The following SEC14L6 variants were observed in gnomAD, a reference collection of about 807,000 sequenced individuals.
SEC14L6 encodes the protein SEC14 like lipid binding 6, also known as SEC14-like protein 6.
A neutral mutation model predicts 54.1 loss-of-function variants in SEC14L6; 40 were observed. The observed-to-expected ratio is 0.74, with a 90% confidence interval of 0.57 to 0.96. SEC14L6 has a LOEUF of 0.96. Ranked by LOEUF, SEC14L6 falls within the 40% of genes least tolerant of loss-of-function variation. The probability of loss-of-function intolerance (pLI) is 0.00; values close to 1 mark genes in which losing one functional copy is unlikely to be tolerated. For synonymous variants in SEC14L6, 171 were observed against 198.4 expected (o/e 0.86, Z 1.16); for missense variants, 471 against 498.3 (o/e 0.95, Z 0.52).
Position 30,525,330 on chromosome 22 carries a change from C to A in SEC14L6, c.1081+20G>T. ...CCCTAGCCCCCAGCTCCAGGTAGAG[C>A]CATCCCTGCCAACTCTTACAGCTGC... is the stretch of plus-strand genomic sequence containing the variant. On this transcript the variant is annotated intron_variant, in intron 11 of 11. Transcript: ENST00000402034. 1 of 1,612,106 alleles carries A rather than the reference C, an allele frequency of 6.2e-7. No individual in the cohort carries two copies.
chr22:30,525,868 C>G lies in SEC14L6; in HGVS notation c.729G>C (p.Gly243=). 3 of 1,613,610 alleles carry G rather than the reference C, an allele frequency of 1.9e-6. No homozygotes were observed. The highest frequency in any genetic ancestry group is 2.5e-6 in the Non-Finnish European group (3 of 1,179,712). The part of the protein sequence containing the change: ...SPDQLPVEFG[G]TMTDPDGNPK... ...GGTTGCCATCGGGGTCAGTCATGGT[C>G]CCCCCAAACTCCACGGGCAGCTGGT... The change falls in exon 9 of 12, where the codon GGG becomes GGC. Residue 243 remains glycine (G), a synonymous_variant. Transcript: ENST00000402034.
rs188359278 is a variant in SEC14L6 at position 30,545,680 on chromosome 22, C to T, written c.54+949G>A. Among the ~76,000 whole-genome samples the T allele has an allele frequency of 3.1e-3, 474 of 152,266 alleles. 4 individuals carry two copies. The highest frequency in any genetic ancestry group is 0.011 in the African/African-American group (447 of 41,562). On this transcript the variant is annotated intron_variant, in intron 1 of 11. Transcript: ENST00000402034. ...AACTCCTGGGCTCCAGTGATCCTCC[C>T]GCCTCAAAGTGCGGGGATTATAGGC... is the stretch of plus-strand genomic sequence containing the variant.
intron 1 of SEC14L6, chr22:30,542,586 G>T: frequency 6.7e-7 from 1 of 1,481,850 alleles, no homozygotes; most frequent in Non-Finnish European, 8.9e-7. Context: ...GAGCCCGCGG[G>T]CCGGTCCCCG....
At chr22:30,543,345 T>TCAA in intron 1 of SEC14L6, 1 of 1,572,568 alleles carries the variant, frequency 6.4e-7, no homozygotes, top group Non-Finnish European at 8.8e-7. Flanking sequence ...TGGAGGTTAC[T>TCAA]CAACAGCCCA....
intron 1 of SEC14L6, among the ~76,000 whole-genome samples, chr22:30,540,367 C>CTTTTTTT (rs753718105): frequency 3.5e-5 from 4 of 114,032 alleles, no homozygotes; most frequent in Admixed American, 8.9e-5. Flanking sequence ...CTTTTTGTTC[C>CTTTTTTT]TTTTTTTTTT....
Position 30,532,480 on chromosome 22 carries a change from G to A in SEC14L6, c.423+45C>T, listed in dbSNP as rs1164320794. 3.3e-6 allele frequency: 5 copies of A among 1,502,450 alleles called. No individual in the cohort carries two copies. In the African/African-American group the frequency reaches 6.9e-5, roughly 21 times the overall value. 93.1% of individuals were successfully genotyped at this position (1,502,450 alleles called of 1,614,324 possible). A position where few individuals can be genotyped will look rare whatever the true frequency, so the allele number is the denominator to read the frequency against. ...TCTGGGTGTGAGGCTCAGGGGGTGA[G>A]GGTGCTGTGTCCGGCTGCAGCTGCC... is the stretch of plus-strand genomic sequence containing the variant. On this transcript the variant is annotated intron_variant, in intron 5 of 11. Transcript: ENST00000402034.
rs1936757290 is a variant in SEC14L6 at position 30,525,825 on chromosome 22, C to G, written c.771+1G>C. The G allele has an allele frequency of 6.2e-7, 1 of 1,613,562 alleles. No individual in the cohort carries two copies. Reference sequence around the variant, plus strand: ...TTCCCCATCCTCTGGGCACCCTGTACCTTGGTCAGGCACTTGGGGTTGCCA... The same window carrying G: ...TTCCCCATCCTCTGGGCACCCTGTAGCTTGGTCAGGCACTTGGGGTTGCCA... On this transcript the variant is annotated splice_donor_variant, in intron 9 of 11. Coordinates refer to ENST00000402034, the MANE Select transcript of SEC14L6 (RefSeq NM_001193336.4). LOFTEE classifies it high-confidence loss of function.
At chr22:30,541,216 T>A (rs933944390) in intron 1 of SEC14L6, among the ~76,000 whole-genome samples, 2 of 152,158 alleles carry the variant, frequency 1.3e-5, no homozygotes, top group Admixed American at 6.5e-5. Flanking sequence ...ATTTATTTTT[T>A]AATTTTATTT....
In SEC14L6 at chr22:30,530,335, G is replaced by A. The variant is rs573953159; in HGVS notation, c.520-986C>T. 6.4e-3 allele frequency among the ~76,000 whole-genome samples: 976 copies of A among 152,260 alleles called. 13 individuals are homozygous for A. Among genetic ancestry groups the A allele is most frequent in the African/African-American group, 0.022 (910 of 41,538 alleles). ...TGAGGCAGGAGCATCACTTGAACCCGTTAGGCGGAGGCTGCAGTGAGCCAC... is the reference window on the plus strand; with the variant it reads ...TGAGGCAGGAGCATCACTTGAACCCATTAGGCGGAGGCTGCAGTGAGCCAC... On this transcript the variant is annotated intron_variant, in intron 6 of 11. Coordinates refer to ENST00000402034, the MANE Select transcript of SEC14L6 (RefSeq NM_001193336.4).
chr22:30,535,392 G>A (rs1183605766), intron 2 of SEC14L6, among the ~76,000 whole-genome samples: 3 of 152,222 alleles, frequency 2.0e-5, no homozygotes, highest in African/African-American at 4.8e-5. Flanking sequence ...GTTTCACTTG[G>A]TCCCCAGGGC....
At chr22:30,526,575 A>G (rs561221044) in intron 8 of SEC14L6, among the ~76,000 whole-genome samples, 1 of 152,280 alleles carries the variant, frequency 6.6e-6, no homozygotes, top group Admixed American at 6.5e-5. Context: ...CATAAAAACA[A>G]AACACTAGGC....
chr22:30,538,774 A>G, intron 2 of SEC14L6, 53 bp downstream of exon 2: 1 of 1,223,648 alleles, frequency 8.2e-7, no homozygotes, highest in Middle Eastern at 1.9e-4. Context: ...GATACCAAAT[A>G]CACTCCTCTT....
intron 2 of SEC14L6, among the ~76,000 whole-genome samples, chr22:30,534,669 C>G (rs879584639): frequency 1.3e-5 from 2 of 152,130 alleles, no homozygotes; most frequent in South Asian, 2.1e-4. Context: ...CCTCACCCCC[C>G]AGAATGCTGG....
Position 30,532,844 on chromosome 22 carries a change from G to A in SEC14L6, c.187C>T (p.Arg63Trp), listed in dbSNP as rs576084043. ...EDMLRKHMEF[R>W]KQQDLANILA... ...ATGTTGGCCAGGTCTTGTTGCTTCC[G>A]GAACTCCATATGCTGCAGAGACACG... The change falls in exon 4 of 12, where the codon CGG (arginine) becomes TGG (tryptophan). Residue 63 changes from arginine to tryptophan, a missense_variant. Transcript: ENST00000402034. 1.4e-4 allele frequency: 223 copies of A among 1,613,686 alleles called. No individual in the cohort carries two copies. The highest frequency in any genetic ancestry group is 1.7e-4 in the Admixed American group (10 of 59,886).
chr22:30,536,382 C>G (rs547880432), intron 2 of SEC14L6, among the ~76,000 whole-genome samples: 1 of 152,140 alleles, frequency 6.6e-6, no homozygotes, highest in Non-Finnish European at 1.5e-5. Flanking sequence ...CCGCCCACCC[C>G]CTACGAACCC....
chr22:30,529,810 T>G (rs1936910209), intron 6 of SEC14L6, among the ~76,000 whole-genome samples: 1 of 152,110 alleles, frequency 6.6e-6, no homozygotes, highest in South Asian at 2.1e-4. Context: ...AAAATCCCAT[T>G]CACGACTGTG....
chr22:30,529,309 T>C lies in SEC14L6; in HGVS notation c.560A>G (p.Lys187Arg), dbSNP rs1392925455. The C allele has an allele frequency of 8.4e-6, 13 of 1,550,368 alleles. No individual in the cohort carries two copies. Among genetic ancestry groups the C allele is most frequent in the Non-Finnish European group, 1.1e-5 (13 of 1,146,956 alleles). The change falls in exon 7 of 12, where the codon AAG (lysine) becomes AGG (arginine). Residue 187 changes from lysine to arginine, a missense_variant. Transcript: ENST00000402034. ...ALEANYPEIL[K>R]SLIVVRAPKL... ...CTCACCTCTCACAACAATTAAACTCTTCAAGATCTCAGGGTAATTTGCTTC... is the reference window on the plus strand; with the variant it reads ...CTCACCTCTCACAACAATTAAACTCCTCAAGATCTCAGGGTAATTTGCTTC...
intron 1 of SEC14L6, chr22:30,543,290 G>A (rs1020428455): frequency 3.8e-6 from 6 of 1,580,412 alleles, no homozygotes; most frequent in South Asian, 3.3e-5. Context: ...GACTCTTTTC[G>A]TGGGACTGCC....
chr22:30,532,476 G>A (rs747613072), intron 5 of SEC14L6, 49 bp downstream of exon 5: 5 of 1,494,898 alleles, frequency 3.3e-6, no homozygotes, highest in Non-Finnish European at 4.5e-6. Context: ...GGCTCAGGGG[G>A]TGAGGGTGCT....
Sources: gnomAD v4.1 joint callset for allele counts (sites outside exome capture counted in the v4.1 genomes callset) on GRCh38, gnomAD v4.1.1 for gene constraint, MANE v1.5 for transcripts, NCBI Gene and HGNC (gene_info 2026-07-23, HGNC 2026-07-21) for gene names.